The following ZNF638 variants were observed in gnomAD, a reference collection of about 807,000 sequenced individuals.
ZNF638 encodes the protein CTCL tumor antigen se33-1.
ZNF638 carries 46 observed loss-of-function variants against 195.6 expected under a neutral mutation model. The ratio of observed to expected loss-of-function variants is 0.24; its 90% CI spans 0.19 to 0.30. The LOEUF is 0.30. Ranked by LOEUF, ZNF638 falls within the 10% of genes least tolerant of loss-of-function variation. The pLI is 1.00. For missense variants in ZNF638, 2,440 were observed against 2,325.3 expected (o/e 1.05, Z -1.01); for synonymous variants, 845 against 772.0 (o/e 1.09, Z -1.57).
chr2:71,400,698 A>G (rs535017223), intron 15 of ZNF638, among the ~76,000 whole-genome samples, 180 bp downstream of exon 15: 23 of 152,236 alleles, frequency 1.5e-4, no homozygotes, highest in South Asian at 6.2e-4. Context: ...TTTTAGCTCA[A>G]AAACCCTGAG....
chr2:71,349,704 A>G lies in ZNF638; in HGVS notation c.750A>G (p.Ala250=). The G allele has an allele frequency of 1.2e-6, 2 of 1,614,224 alleles. No individual in the cohort carries two copies. Among genetic ancestry groups the G allele is most frequent in the East Asian group, 2.2e-5 (1 of 44,884 alleles). ...TTCAGTCACAGCAGAACATTTCTGC[A>G]TCTGTTCCCAATCCAAATGTGATAT... ...NEFQSQQNIS[A]SVPNPNVICN... is the part of the protein sequence containing the mutation. Residue 250 remains alanine, a synonymous_variant, in exon 2 of 28, where the codon GCA becomes GCG. Coordinates refer to ENST00000264447, the MANE Select transcript of ZNF638 (RefSeq NM_014497.5).
Position 71,364,004 on chromosome 2 carries a change from C to T in ZNF638, c.1469C>T (p.Ser490Phe). 1 of 1,614,118 alleles carries T rather than the reference C, an allele frequency of 6.2e-7. No homozygotes were observed. Among genetic ancestry groups the T allele is most frequent in the Non-Finnish European group, 8.5e-7 (1 of 1,180,018 alleles). ...GAAACTCCACGAAGACGTTCTCATT[C>T]CCCCAGTCCTAGGCGTTCTAGAAGA... ...ENETPRRRSH[S>F]PSPRRSRRSS... Residue 490 changes from serine (S) to phenylalanine (F), a missense_variant, in exon 5 of 28, where the codon TCC becomes TTC. This residue lies in a region of ZNF638 where 1,883 missense variants were observed against 1,739.1 expected (regional missense o/e 1.08). Transcript: ENST00000264447.
intron 15 of ZNF638, among the ~76,000 whole-genome samples, chr2:71,401,590 G>A (rs890688768): frequency 5.3e-5 from 8 of 151,786 alleles, no homozygotes; most frequent in African/African-American, 1.9e-4. Flanking sequence ...GGGTGGCTGA[G>A]ACACAAGAAT....
At chr2:71,393,122 G>A (rs918275164) in intron 10 of ZNF638, among the ~76,000 whole-genome samples, 2 of 152,032 alleles carry the variant, frequency 1.3e-5, no homozygotes, top group Non-Finnish European at 2.9e-5. Context: ...ATAGTAGAAC[G>A]TGCCCACTCC....
chr2:71,414,011 T>G (rs2080268143), intron 20 of ZNF638, among the ~76,000 whole-genome samples: 2 of 117,424 alleles, frequency 1.7e-5, no homozygotes, highest in African/African-American at 6.5e-5. Flanking sequence ...TTAGGGAGGA[T>G]TCCCTCTTTT....
intron 25 of ZNF638, among the ~76,000 whole-genome samples, chr2:71,430,854 G>A (rs900873193): frequency 1.3e-5 from 2 of 152,094 alleles, no homozygotes; most frequent in African/African-American, 4.8e-5. Context: ...ACTTTGGTGG[G>A]CTTTAACATT....
At chr2:71,387,237 A>G (rs1352721390) in intron 10 of ZNF638, among the ~76,000 whole-genome samples, 2 of 152,204 alleles carry the variant, frequency 1.3e-5, no homozygotes, top group African/African-American at 4.8e-5. Context: ...ACATAGACAA[A>G]AAGTAGGACA....
chr2:71,426,641 G>T lies in ZNF638; in HGVS notation c.4772G>T (p.Gly1591Val), dbSNP rs1320601466. The change falls in exon 24 of 28, where the codon GGT becomes GTT. Residue 1591 changes from glycine to valine, a missense_variant. Gly to Val is a moderately radical substitution (Grantham distance 109). Transcript: ENST00000264447. ...AAGGGGAAAACTTCCACTCCTCGTGGTGTTGAGGGAGAACTATCTTTTGTG... is the reference window on the plus strand; with the variant it reads ...AAGGGGAAAACTTCCACTCCTCGTGTTGTTGAGGGAGAACTATCTTTTGTG... ...KKKGKTSTPRGVEGELSFVTL... is the reference protein window; with the variant it reads ...KKKGKTSTPRVVEGELSFVTL... 1.1e-5 allele frequency: 17 copies of T among 1,614,060 alleles called. No individual in the cohort carries two copies. The highest frequency in any genetic ancestry group is 2.7e-5 in the African/African-American group (2 of 74,916).
intron 10 of ZNF638, among the ~76,000 whole-genome samples, chr2:71,391,973 G>A (rs2079789339): frequency 1.3e-5 from 2 of 152,102 alleles, no homozygotes; most frequent in Non-Finnish European, 1.5e-5. Flanking sequence ...ACAGGGCTGC[G>A]CTTCCTAGAA....
intron 1 of ZNF638, among the ~76,000 whole-genome samples, chr2:71,336,959 G>C (rs1157845013): frequency 6.6e-6 from 1 of 152,188 alleles, no homozygotes; most frequent in Non-Finnish European, 1.5e-5. Context: ...GGTATCTTCA[G>C]ATCAGTGGAA....
At chr2:71,368,656 C>G (rs976981855) in intron 7 of ZNF638, 128 bp downstream of exon 7, 1 of 1,031,792 alleles carries the variant, frequency 9.7e-7, no homozygotes, top group African/African-American at 1.6e-5. Context: ...ATATAAATGT[C>G]TGGATGTGAA....
chr2:71,396,265 A>C (rs1220153094), intron 11 of ZNF638, 74 bp downstream of exon 11: 1 of 1,229,152 alleles, frequency 8.1e-7, no homozygotes, highest in African/African-American at 1.5e-5. Context: ...TGGCAGTAGT[A>C]GTCTTGGATT....
In ZNF638 at chr2:71,380,580, T is replaced by G. The variant is rs753385762; in HGVS notation, c.2377+15T>G. The G allele has an allele frequency of 5.0e-6, 8 of 1,592,338 alleles. No homozygotes were observed. The highest frequency in any genetic ancestry group is 1.3e-5 in the African/African-American group (1 of 74,092). On this transcript the variant is annotated intron_variant, in intron 10 of 27. Transcript: ENST00000264447. Reference sequence around the variant, plus strand: ...AACTTCTGCTGGTAAGTTGTTACTTTTAATATTCTTTCAAATGAGTGTATC... The same window carrying G: ...AACTTCTGCTGGTAAGTTGTTACTTGTAATATTCTTTCAAATGAGTGTATC...
intron 10 of ZNF638, among the ~76,000 whole-genome samples, chr2:71,391,736 C>T (rs1308247226): frequency 1.3e-5 from 2 of 152,170 alleles, no homozygotes; most frequent in African/African-American, 4.8e-5. Flanking sequence ...CATCCCCCCA[C>T]CTTGGGCATA....
chr2:71,397,173 T>G (rs775003063), intron 11 of ZNF638, among the ~76,000 whole-genome samples: 5 of 152,154 alleles, frequency 3.3e-5, no homozygotes, highest in Non-Finnish European at 7.4e-5. Flanking sequence ...TGGGAGTCAT[T>G]GGGGATGTGG....
chr2:71,333,352 T>G (rs193092521), intron 1 of ZNF638, among the ~76,000 whole-genome samples: 92 of 152,302 alleles, frequency 6.0e-4, no homozygotes, highest in African/African-American at 2.1e-3. Flanking sequence ...AAAGGGTAAA[T>G]ATAACAGTTG....
At chr2:71,356,794 ATTTTTT>A (rs972567815) in intron 3 of ZNF638, among the ~76,000 whole-genome samples, 2 of 146,406 alleles carry the variant, frequency 1.4e-5, no homozygotes, top group African/African-American at 5.0e-5. Flanking sequence ...AAAAAAAAAA[ATTTTTT>A]TTTTTTAAGT....
chr2:71,380,132 TTAGAA>T (rs1324344977), intron 8 of ZNF638, 85 bp from the exon 9 acceptor site: 5 of 682,194 alleles, frequency 7.3e-6, no homozygotes, highest in South Asian at 2.8e-5. Context: ...CATGTGTCCT[TTAGAA>T]TAGGAAGATT....
intron 11 of ZNF638, among the ~76,000 whole-genome samples, chr2:71,398,138 G>T (rs1434983003): frequency 2.6e-5 from 4 of 152,128 alleles, no homozygotes; most frequent in African/African-American, 9.7e-5. Context: ...TTTAAGTACA[G>T]GTTGAGTATC....
Sources: gnomAD v4.1 joint callset for allele counts (sites outside exome capture counted in the v4.1 genomes callset) on GRCh38, gnomAD v4.1.1 for gene constraint, gnomAD v4.1.1 regional missense constraint, MANE v1.5 for transcripts, NCBI Gene and HGNC (gene_info 2026-07-23, HGNC 2026-07-21) for gene names.